GPT2: variants seen among roughly 807,000 people sequenced by gnomAD.
The protein encoded by GPT2 is glutamic--pyruvic transaminase 2, also known as alanine aminotransferase 2.
Under a neutral mutation model 56.9 loss-of-function variants are expected in GPT2, and 30 were observed. The observed-to-expected ratio is 0.53, with a 90% CI of 0.39 to 0.72. GPT2 has a LOEUF of 0.72. Ranked by LOEUF, GPT2 falls within the 30% of genes least tolerant of loss-of-function variation. The pLI, the probability that GPT2 is intolerant of heterozygous loss-of-function variation, is 0.00. For synonymous variants in GPT2, 271 were observed against 283.1 expected, an observed-to-expected ratio of 0.96 and a Z score of 0.43; for missense variants, 542 against 703.4, an observed-to-expected ratio of 0.77 and a Z score of 2.60.
In GPT2 at chr16:46,918,770, C is replaced by G. The variant is rs746979510; in HGVS notation, c.1037+13C>G. 1 of 1,613,218 alleles carries G rather than the reference C, an allele frequency of 6.2e-7. No homozygotes were observed. Among genetic ancestry groups the G allele is most frequent in the Non-Finnish European group, 8.5e-7 (1 of 1,179,878 alleles). ...GCTACATGGGCGAGTACGTGGGCCT[C>G]CCTTCCCTCTGCCACTGCTGGGCCT... is the stretch of plus-strand genomic sequence containing the variant. On this transcript the variant is annotated intron_variant, in intron 8 of 11. Transcript: ENST00000340124.
Position 46,929,000 on chromosome 16 carries a change from A to G in GPT2, c.*3A>G, listed in dbSNP as rs763503931. 1.9e-6 allele frequency: 3 copies of G among 1,612,542 alleles called. No individual in the cohort carries two copies. The highest frequency in any genetic ancestry group is 2.5e-6 in the Non-Finnish European group (3 of 1,178,584). ...ACTTCCTGGAGAAGTACGCGTGAGG[A>G]CGCCTGAGCCCCAGCGGGAGACCTG... On this transcript the variant is annotated 3_prime_UTR_variant, in exon 12 of 12. Coordinates refer to ENST00000340124, the MANE Select transcript of GPT2 (RefSeq NM_133443.4).
chr16:46,921,995 G>T (rs1023317585), intron 8 of GPT2, among the ~76,000 whole-genome samples: 1 of 152,170 alleles, frequency 6.6e-6, no homozygotes, highest in African/African-American at 2.4e-5. Flanking sequence ...GGTGGTTGAG[G>T]CTGCAGTGAG....
chr16:46,916,672 G>A lies in GPT2; in HGVS notation c.865G>A (p.Ala289Thr), dbSNP rs1453669374. Reference protein sequence around the residue: ...RKCIEDVIHFAWEEKLFLLAD... With the variant: ...RKCIEDVIHFTWEEKLFLLAD... ...GTGCATAGAAGATGTGATCCACTTT[G>A]CCTGGGAAGAGAAGCTCTTTCTCCT... The change falls in exon 7 of 12, where the codon GCC (alanine) becomes ACC (threonine). Residue 289 changes from alanine to threonine, a missense_variant. Transcript: ENST00000340124. 6.2e-7 allele frequency: 1 copy of A among 1,614,030 alleles called. No homozygotes were observed. The highest frequency in any genetic ancestry group is 8.5e-7 in the Non-Finnish European group (1 of 1,179,900).
chr16:46,894,908 G>A (rs1450572163), intron 2 of GPT2, among the ~76,000 whole-genome samples: 4 of 151,996 alleles, frequency 2.6e-5, no homozygotes, highest in African/African-American at 4.8e-5. Flanking sequence ...CTCGTGATCC[G>A]CTCGCCTCAG....
chr16:46,910,407 A>AT (rs1245757785), intron 6 of GPT2, among the ~76,000 whole-genome samples: 2 of 150,110 alleles, frequency 1.3e-5, no homozygotes, highest in Admixed American at 6.7e-5. Context: ...AAAAAAAAAA[A>AT]ACTTAGCCAG....
chr16:46,916,457 G>GGACC (rs1961165578), intron 6 of GPT2, 171 bp from the exon 7 acceptor site: 1 of 631,756 alleles, frequency 1.6e-6, no homozygotes, highest in Admixed American at 2.2e-5. Context: ...GTCCCTGGAG[G>GGACC]CCGACTACAC....
intron 4 of GPT2, among the ~76,000 whole-genome samples, chr16:46,905,680 C>G (rs1175270333): frequency 6.6e-6 from 1 of 152,086 alleles, no homozygotes; most frequent in East Asian, 1.9e-4. Flanking sequence ...TTTCAAAAAC[C>G]TAAATAGCGG....
intron 3 of GPT2, among the ~76,000 whole-genome samples, chr16:46,898,986 A>ATC (rs1162956637): frequency 7.3e-6 from 1 of 137,028 alleles, no homozygotes; most frequent in Non-Finnish European, 1.6e-5. Flanking sequence ...ATATATATAT[A>ATC]TATATAACAC....
chr16:46,925,516 C>T (rs1961389506), intron 10 of GPT2, among the ~76,000 whole-genome samples: 1 of 152,170 alleles, frequency 6.6e-6, no homozygotes, highest in South Asian at 2.1e-4. Flanking sequence ...TAGGCCCCAT[C>T]CTAGACCTAC....
chr16:46,892,092 T>C (rs1960598149), intron 2 of GPT2, among the ~76,000 whole-genome samples: 1 of 152,238 alleles, frequency 6.6e-6, no homozygotes, highest in South Asian at 2.1e-4. Context: ...CCAACCCCAC[T>C]GCTGGCAGCT....
At chr16:46,921,502 T>C (rs544739377) in intron 8 of GPT2, among the ~76,000 whole-genome samples, 55 of 152,050 alleles carry the variant, frequency 3.6e-4, no homozygotes, top group Non-Finnish European at 6.2e-4. Context: ...AAGCATCTCA[T>C]TGTGTCAGGT....
chr16:46,913,771 T>TAC (rs200613263), intron 6 of GPT2, among the ~76,000 whole-genome samples: 29 of 151,934 alleles, frequency 1.9e-4, no homozygotes, highest in African/African-American at 6.5e-4. Flanking sequence ...TATATATATG[T>TAC]ACACACACAC....
intron 2 of GPT2, chr16:46,885,355 G>C (rs1960463146): frequency 1.3e-6 from 1 of 743,656 alleles, no homozygotes; most frequent in South Asian, 6.1e-5. Context: ...GGGTTGGGAT[G>C]GGGGCGGTGG....
chr16:46,900,621 C>T, intron 3 of GPT2, 61 bp from the exon 4 acceptor site: 2 of 1,336,374 alleles, frequency 1.5e-6, no homozygotes, highest in South Asian at 2.4e-5. Context: ...GGCCTCTGTG[C>T]TCCTCCTGGA....
At chr16:46,897,059 C>G (rs1383365842) in intron 2 of GPT2, among the ~76,000 whole-genome samples, 1 of 152,170 alleles carries the variant, frequency 6.6e-6, no homozygotes, top group African/African-American at 2.4e-5. Flanking sequence ...GAGACCCTGT[C>G]TCTACAAAAT....
chr16:46,918,009 A>C (rs1961204804), intron 7 of GPT2, among the ~76,000 whole-genome samples: 1 of 152,192 alleles, frequency 6.6e-6, no homozygotes, highest in South Asian at 2.1e-4. Context: ...AGAAAGGCTC[A>C]GTTTCTCTGA....
chr16:46,897,818 C>G (rs1960713469), intron 3 of GPT2, 81 bp downstream of exon 3: 2 of 1,195,258 alleles, frequency 1.7e-6, no homozygotes, highest in Non-Finnish European at 2.4e-6. Context: ...GTCCTCTGCC[C>G]CCTCGATGTC....
At chr16:46,928,874 C>T (rs771093985) in intron 11 of GPT2, 33 bp from the exon 12 acceptor site, 2 of 1,527,470 alleles carry the variant, frequency 1.3e-6, no homozygotes, top group Admixed American at 1.7e-5. Flanking sequence ...TCTTGCAGAG[C>T]AGCCAGGCTG....
At chr16:46,916,772 C>T in intron 7 of GPT2, 65 bp downstream of exon 7, 1 of 1,085,900 alleles carries the variant, frequency 9.2e-7, no homozygotes, top group Non-Finnish European at 1.4e-6. Flanking sequence ...GGGACCCAGC[C>T]CCCATTGTTC....
Sources: allele counts gnomAD v4.1 joint callset (sites outside exome capture counted in the v4.1 genomes callset), GRCh38; gene constraint gnomAD v4.1.1; transcripts MANE v1.5; gene names NCBI Gene and HGNC (gene_info 2026-07-23, HGNC 2026-07-21).